Variants in LGR5 observed in about 807,000 individuals in gnomAD.
The protein encoded by LGR5 is leucine-rich repeat-containing G protein-coupled receptor 5.
LGR5 carries 54 observed loss-of-function variants against 76.7 expected under a neutral mutation model. That is an observed-to-expected ratio of 0.70 (90% CI 0.57 to 0.88). The LOEUF (loss-of-function observed/expected upper bound fraction) is 0.88, where lower values mean the gene tolerates loss of function less well. Ranked by LOEUF, LGR5 falls within the 40% of genes least tolerant of loss-of-function variation. The pLI, the probability that LGR5 is intolerant of heterozygous loss-of-function variation, is 0.00. For missense variants in LGR5, 1,078 were observed against 1,073.3 expected (o/e 1.00, Z -0.06); for synonymous variants, 406 against 421.9 (o/e 0.96, Z 0.46).
At chr12:71,535,238 C>A (rs200070559) in intron 4 of LGR5, 52 bp downstream of exon 4, 182 of 1,229,588 alleles carry the variant, frequency 1.5e-4, no homozygotes, top group Non-Finnish European at 2.0e-4. Context: ...TGGGAAGAAG[C>A]ATTGAAATGT....
chr12:71,560,184 T>C (rs1195986035), intron 7 of LGR5, among the ~76,000 whole-genome samples: 3 of 152,186 alleles, frequency 2.0e-5, no homozygotes, highest in Non-Finnish European at 4.4e-5. Context: ...TTTGACTTCT[T>C]AAAAACTTAA....
At chr12:71,461,271 A>G (rs183204229) in intron 1 of LGR5, among the ~76,000 whole-genome samples, 106 of 152,266 alleles carry the variant, frequency 7.0e-4, no homozygotes, top group African/African-American at 2.5e-3. Flanking sequence ...TGGGAATGAT[A>G]GTTTATTCAT....
intron 5 of LGR5, among the ~76,000 whole-genome samples, chr12:71,554,995 C>T (rs1321929841): frequency 3.3e-5 from 5 of 152,100 alleles, no homozygotes; most frequent in Non-Finnish European, 7.4e-5. Context: ...TTCAATCATT[C>T]CACTTGATGA....
chr12:71,440,387 T>G lies in LGR5; in HGVS notation c.212+95T>G. ...TGGAGGCTCCTCGGCGCCCGCCTGC[T>G]CGTGGGGGAGGGGGGCGAGTTTGTC... On this transcript the variant is annotated intron_variant, in intron 1 of 17. Coordinates refer to ENST00000266674, the MANE Select transcript of LGR5 (RefSeq NM_003667.4). The surrounding 1 kb of genome is among the most constrained non-coding windows in gnomAD (Gnocchi z 5.3). The G allele has an allele frequency of 8.1e-7, 1 of 1,232,200 alleles. No individual in the cohort carries two copies. Among genetic ancestry groups the G allele is most frequent in the East Asian group, 2.4e-5 (1 of 41,470 alleles). 76.3% of individuals were successfully genotyped at this position (1,232,200 alleles called of 1,614,324 possible). A position where few individuals can be genotyped will look rare whatever the true frequency, so the allele number is the denominator to read the frequency against.
intron 1 of LGR5, among the ~76,000 whole-genome samples, chr12:71,472,300 C>A (rs745889121): frequency 1.4e-4 from 22 of 152,102 alleles, no homozygotes; most frequent in Non-Finnish European, 2.8e-4. Context: ...GCCATTTAAA[C>A]CTTAGAATAG....
chr12:71,510,522 A>G (rs191914591), intron 2 of LGR5, among the ~76,000 whole-genome samples: 2 of 152,244 alleles, frequency 1.3e-5, no homozygotes, highest in East Asian at 1.9e-4. Context: ...TCCTTTCTCT[A>G]TACTTCCTCC....
At position 71,439,905 on chromosome 12, in the gene LGR5, C is replaced by T. The variant is rs115193582; in HGVS notation, c.-176C>T. ...CGTGGCGGCAACCGGCACCTCTGTC[C>T]CCGCCGCGCTTCTCCTCGCCGCCCA... On this transcript the variant is annotated 5_prime_UTR_variant, in exon 1 of 18. Transcript: ENST00000266674. 5.8e-3 allele frequency: 3,357 copies of T among 583,034 alleles called. 110 individuals are homozygous for T. The African/African-American group carries it at 0.06, about 10-fold the overall frequency. 36.1% of individuals were successfully genotyped at this position (583,034 alleles called of 1,614,324 possible).
In LGR5 at chr12:71,467,254, G is replaced by C. The variant is rs1008675228; in HGVS notation, c.212+26962G>C. On this transcript the variant is annotated intron_variant, in intron 1 of 17. Coordinates refer to ENST00000266674, the MANE Select transcript of LGR5 (RefSeq NM_003667.4). ...AGGACTCTAAGAGAATTTCAGCTAT[G>C]ATGGCCATTCTAATTTGCTTCCAGA... Among the ~76,000 whole-genome samples, 8 of 152,282 alleles carry C rather than the reference G, an allele frequency of 5.3e-5. 1 individual carries two copies. Among genetic ancestry groups the C allele is most frequent in the Admixed American group, 1.3e-4 (2 of 15,300 alleles).
At chr12:71,578,695 TAGA>T (rs780798112) in intron 14 of LGR5, 106 bp from the exon 15 acceptor site, 425 of 1,135,932 alleles carry the variant, frequency 3.7e-4, no homozygotes, top group Non-Finnish European at 4.8e-4. Flanking sequence ...GGACCCTGCT[TAGA>T]AGTTTTTATT....
rs367981507 is a variant in LGR5, at chr12:71,575,902, G to A, written c.1209-2023G>A. 5.1e-4 allele frequency among the ~76,000 whole-genome samples: 77 copies of A among 152,272 alleles called. No individual in the cohort carries two copies. In the East Asian group the frequency reaches 0.01, roughly 20 times the overall value. On this transcript the variant is annotated intron_variant, in intron 13 of 17. Coordinates refer to ENST00000266674, the MANE Select transcript of LGR5 (RefSeq NM_003667.4). ...GTATATATACACCATGGAATACTACGCAGCCATAAGAAGGGATAAGATCAT... is the reference window on the plus strand; with the variant it reads ...GTATATATACACCATGGAATACTACACAGCCATAAGAAGGGATAAGATCAT...
intron 6 of LGR5, among the ~76,000 whole-genome samples, chr12:71,557,199 C>T (rs890217695): frequency 9.2e-5 from 14 of 152,172 alleles, no homozygotes; most frequent in African/African-American, 1.9e-4. Context: ...GCGGGAGGAT[C>T]GCTTGAGCCC....
intron 1 of LGR5, among the ~76,000 whole-genome samples, chr12:71,455,348 A>G (rs1467306294): frequency 6.6e-6 from 1 of 152,150 alleles, no homozygotes; most frequent in Non-Finnish European, 1.5e-5. Context: ...CAGTCATTCT[A>G]GGAGTCTACC....
intron 1 of LGR5, among the ~76,000 whole-genome samples, chr12:71,489,973 G>A (rs769785728): frequency 6.6e-6 from 1 of 151,976 alleles, no homozygotes; most frequent in African/African-American, 2.4e-5. Context: ...CACAGCCTCC[G>A]AAGTAGCTGG....
intron 1 of LGR5, among the ~76,000 whole-genome samples, chr12:71,481,833 G>T (rs901563503): frequency 1.7e-4 from 26 of 151,980 alleles, no homozygotes; most frequent in Admixed American, 4.6e-4. Flanking sequence ...TGTTGCCTGG[G>T]GGGTATTTTC....
At position 71,495,856 on chromosome 12, in the gene LGR5, C is replaced by A. The variant is rs917050449; in HGVS notation, c.213-8758C>A. Among the ~76,000 whole-genome samples, 22 of 147,484 alleles carry A rather than the reference C, an allele frequency of 1.5e-4. 3 individuals are homozygous for A. Among genetic ancestry groups the A allele is most frequent in the African/African-American group, 4.9e-4 (18 of 37,010 alleles). ...AAAAAGAAAGATTATTAGCCCTTTC[C>A]TTACTTATCAGTGTATAGTTTCACT... On this transcript the variant is annotated intron_variant, in intron 1 of 17. Coordinates refer to ENST00000266674, the MANE Select transcript of LGR5 (RefSeq NM_003667.4).
intron 1 of LGR5, among the ~76,000 whole-genome samples, chr12:71,498,936 G>A (rs1007741358): frequency 3.3e-5 from 5 of 152,186 alleles, no homozygotes; most frequent in African/African-American, 4.8e-5. Context: ...GTAAAGGCTC[G>A]CAGCAGTTCC....
rs566526456 is a variant in LGR5, at chr12:71,561,001, A to C, written c.786-780A>C. Reference sequence around the variant, plus strand: ...TAGCTTTTTCATATCTAAAAAGATAAATAATCTATGTTAGTAATGTTCTAA... The same window carrying C: ...TAGCTTTTTCATATCTAAAAAGATACATAATCTATGTTAGTAATGTTCTAA... On this transcript the variant is annotated intron_variant, in intron 7 of 17. Transcript: ENST00000266674. Among the ~76,000 whole-genome samples the C allele has an allele frequency of 3.4e-3, 525 of 152,356 alleles. 2 individuals are homozygous for C. The highest frequency in any genetic ancestry group is 6.8e-3 in the Middle Eastern group (2 of 294).
chr12:71,511,725 G>A (rs1388439681), intron 2 of LGR5, among the ~76,000 whole-genome samples: 2 of 152,054 alleles, frequency 1.3e-5, no homozygotes, highest in Non-Finnish European at 1.5e-5. Context: ...CTCAACATGT[G>A]CAGAACCAGA....
At chr12:71,501,915 G>A (rs1592494942) in intron 1 of LGR5, among the ~76,000 whole-genome samples, 1 of 152,224 alleles carries the variant, frequency 6.6e-6, no homozygotes. Context: ...AGGGAAAAAA[G>A]CAAATGCAGG....
Sources: allele counts gnomAD v4.1 joint callset (sites outside exome capture counted in the v4.1 genomes callset), GRCh38; gene constraint gnomAD v4.1.1; non-coding constraint Gnocchi (gnomAD v3.1); transcripts MANE v1.5; gene names NCBI Gene and HGNC (gene_info 2026-07-23, HGNC 2026-07-21).